The following TCEAL1 variants were observed in gnomAD, a reference collection of about 807,000 sequenced individuals.
The protein encoded by TCEAL1 is transcription elongation factor A like 1, also known as transcription elongation factor A protein-like 1.
For missense variants in TCEAL1, 82 were observed against 125.9 expected, an observed-to-expected ratio of 0.65 and a Z score of 1.67; for synonymous variants, 48 against 46.0, an observed-to-expected ratio of 1.04 and a Z score of -0.17.
At chrX:103,628,884 C>G (rs746339032), upstream of TCEAL1, 111 of 112,209 alleles carry the variant, frequency 9.9e-4, no homozygotes, top group African/African-American at 3.5e-3. Flanking sequence ...AAAGTGGTAA[C>G]TGGGGATCTG....
chrX:103,629,068 C>T (rs1030114015), intron 1 of TCEAL1, 43 bp downstream of exon 1: 2 of 111,846 alleles, frequency 1.8e-5, no homozygotes, highest in African/African-American at 6.5e-5. Flanking sequence ...AGTGTCGGCG[C>T]TGCCTAGTAA....
intron 2 of TCEAL1, 51 bp from the exon 3 acceptor site, chrX:103,629,834 A>G (rs1325887209): frequency 2.8e-6 from 3 of 1,061,622 alleles, no homozygotes; most frequent in Non-Finnish European, 3.7e-6. Flanking sequence ...CCTGGGTGTT[A>G]GTCCAGCCGC....
chrX:103,630,540 A>G lies in TCEAL1; in HGVS notation c.*144A>G. ...CTTTATTTTAGATGTTTAGCATGTAACTCGCTTAAAGTTGAGGTTTCCCCC... is the reference window on the plus strand; with the variant it reads ...CTTTATTTTAGATGTTTAGCATGTAGCTCGCTTAAAGTTGAGGTTTCCCCC... On this transcript the variant is annotated 3_prime_UTR_variant, in exon 3 of 3. Transcript: ENST00000372625. 1.4e-6 allele frequency: 1 copy of G among 712,434 alleles called. No individual in the cohort carries two copies. Among genetic ancestry groups the G allele is most frequent in the Non-Finnish European group, 2.0e-6 (1 of 504,137 alleles). 58.7% of individuals were successfully genotyped at this position (712,434 alleles called of 1,213,427 possible).
chrX:103,629,898 G>C lies in TCEAL1; in HGVS notation c.-19G>C. 1.8e-6 allele frequency: 2 copies of C among 1,122,765 alleles called. No individual in the cohort carries two copies. The highest frequency in any genetic ancestry group is 3.3e-5 in the East Asian group (1 of 30,373). The allele number at this position is 1,122,765 out of a possible 1,213,427, so 92.5% of individuals were successfully genotyped here. ...TTGTCTCCTAAGAATAACTGTGCTT[G>C]AAGAAGAAAATTCCCAACATGGACA... On this transcript the variant is annotated 5_prime_UTR_variant, in exon 3 of 3. Transcript: ENST00000372625.
Position 103,630,574 on chromosome X carries a change from A to T in TCEAL1, c.*178A>T. 2 of 503,233 alleles carry T rather than the reference A, an allele frequency of 4.0e-6. No individual in the cohort carries two copies. The highest frequency in any genetic ancestry group is 6.3e-6 in the Non-Finnish European group (2 of 316,724). The allele number at this position is 503,233 out of a possible 1,213,427, so 41.5% of individuals were successfully genotyped here. A position where few individuals can be genotyped will look rare whatever the true frequency, so the allele number is the denominator to read the frequency against. On this transcript the variant is annotated 3_prime_UTR_variant, in exon 3 of 3. Transcript: ENST00000372625. The stretch of plus-strand genomic sequence containing the variant: ...AAGTTGAGGTTTCCCCCTAAAATCT[A>T]CAAGTTTCCCTCTTTCAGTCATGAG...
In TCEAL1 at chrX:103,630,216, A is replaced by T; in HGVS notation, c.300A>T (p.Gly100=). The T allele has an allele frequency of 3.3e-6, 4 of 1,211,850 alleles. No individual in the cohort carries two copies. The highest frequency in any genetic ancestry group is 2.2e-5 in the Admixed American group (1 of 46,082). ...TAGGAAAACATAAGCTTGAAGAAGGAAGCTTTAAAGAAAGGTTGGCTCGTT... is the reference window on the plus strand; with the variant it reads ...TAGGAAAACATAAGCTTGAAGAAGGTAGCTTTAAAGAAAGGTTGGCTCGTT... ...CGVGKHKLEE[G]SFKERLARSR... is the part of the protein sequence containing the mutation. Residue 100 remains glycine, a synonymous_variant, in exon 3 of 3, where the codon GGA becomes GGT. Transcript: ENST00000372625.
Position 103,630,008 on chromosome X carries a change from A to C in TCEAL1, c.92A>C (p.Lys31Thr). The C allele has an allele frequency of 8.3e-7, 1 of 1,206,056 alleles. No homozygotes were observed. The highest frequency in any genetic ancestry group is 1.1e-6 in the Non-Finnish European group (1 of 892,447). Reference sequence around the variant, plus strand: ...CCTCCGGTGGAGCACTCTCCCGAAAAGCAGTCCCCCGAGGAGCAGTCTTCG... The same window carrying C: ...CCTCCGGTGGAGCACTCTCCCGAAACGCAGTCCCCCGAGGAGCAGTCTTCG... ...ERPPVEHSPE[K>T]QSPEEQSSEE... Residue 31 changes from lysine (K) to threonine (T), a missense_variant, in exon 3 of 3, where the codon AAG becomes ACG. Transcript: ENST00000372625.
At position 103,630,108 on chromosome X, in the gene TCEAL1, G is replaced by A. The variant is rs749064107; in HGVS notation, c.192G>A (p.Ser64=). 2.9e-5 allele frequency: 35 copies of A among 1,208,447 alleles called. No individual in the cohort carries two copies. Among genetic ancestry groups the A allele is most frequent in the Non-Finnish European group, 3.6e-5 (32 of 894,385 alleles). ...AGCTCCTGCCTGAGATGCTCCTCTC[G>A]GAGGAGCGCCCTCCGCAGGAGGGTC... The part of the protein sequence containing the change: ...LPELLPEMLL[S]EERPPQEGLS... Residue 64 remains serine, a synonymous_variant, in exon 3 of 3, where the codon TCG becomes TCA. Coordinates refer to ENST00000372625, the MANE Select transcript of TCEAL1 (RefSeq NM_004780.3).
Position 103,630,145 on chromosome X carries a change from G to C in TCEAL1, c.229G>C (p.Asp77His). ...TCCGCAGGAGGGTCTTTCCAGGAAG[G>C]ACCTGTTTGAGGGGCGCCCTCCCAT... ...RPPQEGLSRK[D>H]LFEGRPPMEQ... The change falls in exon 3 of 3, where the codon GAC (aspartate) becomes CAC (histidine). Residue 77 changes from aspartate to histidine, a missense_variant. Coordinates refer to ENST00000372625, the MANE Select transcript of TCEAL1 (RefSeq NM_004780.3). The C allele has an allele frequency of 8.3e-7, 1 of 1,211,801 alleles. No individual in the cohort carries two copies. The highest frequency in any genetic ancestry group is 1.1e-6 in the Non-Finnish European group (1 of 895,490).
At position 103,629,039 on chromosome X, in the gene TCEAL1, A is replaced by C. The variant is rs546089172; in HGVS notation, c.-113+14A>C. 8.9e-6 allele frequency: 1 copy of C among 111,748 alleles called. No homozygotes were observed. The highest frequency in any genetic ancestry group is 9.4e-5 in the Admixed American group (1 of 10,669). 9.2% of individuals were successfully genotyped at this position (111,748 alleles called of 1,213,427 possible). On this transcript the variant is annotated intron_variant, in intron 1 of 2. Coordinates refer to ENST00000372625, the MANE Select transcript of TCEAL1 (RefSeq NM_004780.3). ...AAAGCAGAAGAAGTAAGTTCCCTCTACCCTCTTAAATCGGTGTGAGTGTCG... is the reference window on the plus strand; with the variant it reads ...AAAGCAGAAGAAGTAAGTTCCCTCTCCCCTCTTAAATCGGTGTGAGTGTCG...
chrX:103,630,064 C>T lies in TCEAL1; in HGVS notation c.148C>T (p.Pro50Ser), dbSNP rs1394297460. 2.6e-5 allele frequency: 31 copies of T among 1,208,228 alleles called. No individual in the cohort carries two copies. The highest frequency in any genetic ancestry group is 3.4e-5 in the Non-Finnish European group (30 of 894,449). The change falls in exon 3 of 3, where the codon CCT becomes TCT. Residue 50 changes from proline to serine, a missense_variant. By Grantham distance (74) the Pro-to-Ser change is moderately conservative (BLOSUM62 -1). Transcript: ENST00000372625. ...GCAGTCCTCGGAGGAGGAGTTCTTTCCTGAGGAGCTCTTGCCTGAGCTCCT... is the reference window on the plus strand; with the variant it reads ...GCAGTCCTCGGAGGAGGAGTTCTTTTCTGAGGAGCTCTTGCCTGAGCTCCT... ...EEQSSEEEFFPEELLPELLPE... is the reference protein window; with the variant it reads ...EEQSSEEEFFSEELLPELLPE...
At chrX:103,629,748 C>A in intron 2 of TCEAL1, 137 bp from the exon 3 acceptor site, 1 of 526,201 alleles carries the variant, frequency 1.9e-6, no homozygotes, top group Non-Finnish European at 2.8e-6. Context: ...TCGGGAGAGC[C>A]GGAGAGCCTC....
chrX:103,630,257 G>T lies in TCEAL1; in HGVS notation c.341G>T (p.Arg114Ile), dbSNP rs2073717278. 8.3e-7 allele frequency: 1 copy of T among 1,210,566 alleles called. No individual in the cohort carries two copies. Among genetic ancestry groups the T allele is most frequent in the African/African-American group, 1.7e-5 (1 of 57,264 alleles). Residue 114 changes from arginine to isoleucine, a missense_variant, in exon 3 of 3, where the codon AGA (arginine) becomes ATA (isoleucine). Transcript: ENST00000372625. ...ERLARSRPQF[R>I]GDIHGRNLSN... ...TTGGCTCGTTCTCGCCCGCAATTTA[G>T]AGGGGACATACATGGCAGAAATTTA...
intron 1 of TCEAL1, 23 bp downstream of exon 1, chrX:103,629,048 A>G (rs1050168228): frequency 9.0e-6 from 1 of 111,610 alleles, no homozygotes; most frequent in Non-Finnish European, 1.9e-5. Context: ...TACCCTCTTA[A>G]ATCGGTGTGA....
At position 103,629,041 on chromosome X, in the gene TCEAL1, C is replaced by G. The variant is rs1359089965; in HGVS notation, c.-113+16C>G. 3 of 111,819 alleles carry G rather than the reference C, an allele frequency of 2.7e-5. No homozygotes were observed. Among genetic ancestry groups the G allele is most frequent in the Non-Finnish European group, 3.8e-5 (2 of 53,062 alleles). The allele number at this position is 111,819 out of a possible 1,213,427, so 9.2% of individuals were successfully genotyped here. On this transcript the variant is annotated intron_variant, in intron 1 of 2. Transcript: ENST00000372625. ...AGCAGAAGAAGTAAGTTCCCTCTAC[C>G]CTCTTAAATCGGTGTGAGTGTCGGC...
At chrX:103,629,472 C>G in intron 1 of TCEAL1, 22 bp from the exon 2 acceptor site, 1 of 116,891 alleles carries the variant, frequency 8.6e-6, no homozygotes, top group Non-Finnish European at 1.8e-5. Flanking sequence ...CGCCCCCTAC[C>G]CTGTCTTGCG....
chrX:103,630,085 C>T lies in TCEAL1; in HGVS notation c.169C>T (p.Leu57Phe). 8.3e-7 allele frequency: 1 copy of T among 1,210,606 alleles called. No individual in the cohort carries two copies. The highest frequency in any genetic ancestry group is 1.1e-6 in the Non-Finnish European group (1 of 894,972). The change falls in exon 3 of 3, where the codon CTC becomes TTC. Residue 57 changes from leucine (L) to phenylalanine (F), a missense_variant. Transcript: ENST00000372625. ...CTTTCCTGAGGAGCTCTTGCCTGAGCTCCTGCCTGAGATGCTCCTCTCGGA... is the reference window on the plus strand; with the variant it reads ...CTTTCCTGAGGAGCTCTTGCCTGAGTTCCTGCCTGAGATGCTCCTCTCGGA... ...EFFPEELLPE[L>F]LPEMLLSEER...
In TCEAL1 at chrX:103,629,987, C is replaced by A; in HGVS notation, c.71C>A (p.Pro24Gln). Residue 24 changes from proline (P) to glutamine (Q), a missense_variant, in exon 3 of 3, where the codon CCG becomes CAG. Physicochemically the swap from Pro to Gln is moderately conservative, Grantham distance 76 (BLOSUM62 -1). Coordinates refer to ENST00000372625, the MANE Select transcript of TCEAL1 (RefSeq NM_004780.3). ...SAPKTDEERP[P>Q]VEHSPEKQSP... ...CCCAAGACCGATGAGGAGAGGCCTC[C>A]GGTGGAGCACTCTCCCGAAAAGCAG... The A allele has an allele frequency of 8.4e-7, 1 of 1,195,214 alleles. No homozygotes were observed. The highest frequency in any genetic ancestry group is 3.0e-5 in the East Asian group (1 of 32,929).
rs2073711242 is a variant in TCEAL1 at position 103,629,500 on chromosome X, T to G, written c.-106T>G. 6.4e-5 allele frequency: 8 copies of G among 125,468 alleles called. No homozygotes were observed. In the South Asian group the frequency reaches 2.0e-3, roughly 31 times the overall value. 10.3% of individuals were successfully genotyped at this position (125,468 alleles called of 1,213,427 possible). A position where few individuals can be genotyped will look rare whatever the true frequency, so the allele number is the denominator to read the frequency against. ...GTCTTGCGTCTGTGTGCAGGTCTGC[T>G]GGTCACAGCGGGGCACCTCGAGGAG... On this transcript the variant is annotated 5_prime_UTR_variant, in exon 2 of 3. Coordinates refer to ENST00000372625, the MANE Select transcript of TCEAL1 (RefSeq NM_004780.3).
Sources: gnomAD v4.1 joint callset for allele counts on GRCh38, gnomAD v4.1.1 for gene constraint, MANE v1.5 for transcripts, NCBI Gene and HGNC (gene_info 2026-07-23, HGNC 2026-07-21) for gene names.